TNRC6B: variants seen among roughly 807,000 people sequenced by gnomAD.
The protein encoded by TNRC6B is trinucleotide repeat containing adaptor 6B, also known as trinucleotide repeat-containing gene 6B protein.
Under a neutral mutation model 203.6 loss-of-function variants are expected in TNRC6B, and 52 were observed. The observed-to-expected ratio is 0.26, with a 90% CI of 0.20 to 0.32. TNRC6B has a LOEUF of 0.32. Among genes scored for constraint, TNRC6B ranks in the 10% least tolerant of loss-of-function variants. TNRC6B has a pLI of 1.00. For synonymous variants in TNRC6B, 838 were observed against 845.7 expected (o/e 0.99, Z 0.16); for missense variants, 1,923 against 2,286.2 (o/e 0.84, Z 3.24).
intron 1 of TNRC6B, among the ~76,000 whole-genome samples, chr22:40,239,569 G>T (rs1311998194): frequency 6.6e-6 from 1 of 152,184 alleles, no homozygotes; most frequent in South Asian, 2.1e-4. Flanking sequence ...CATTAAAGAG[G>T]ATGGTTTTTG....
At chr22:40,270,323 T>A in intron 6 of TNRC6B, 43 bp downstream of exon 6, 1 of 1,357,158 alleles carries the variant, frequency 7.4e-7, no homozygotes, top group African/African-American at 1.5e-5. Context: ...CTTTTTTTTT[T>A]TTTTTTTTAA....
At chr22:40,271,861 A>G (rs1439512129) in intron 6 of TNRC6B, among the ~76,000 whole-genome samples, 1 of 152,228 alleles carries the variant, frequency 6.6e-6, no homozygotes, top group Non-Finnish European at 1.5e-5. Context: ...ATCATAGTCT[A>G]CCAGTTGATG....
At chr22:40,163,781 A>C (rs1156457300) in intron 4 of TNRC6B, among the ~76,000 whole-genome samples, 1 of 152,040 alleles carries the variant, frequency 6.6e-6, no homozygotes, top group Non-Finnish European at 1.5e-5. Context: ...AAGAAAGAAA[A>C]GAAAAGGGTA....
chr22:40,165,555 T>C (rs2068911999), intron 4 of TNRC6B, among the ~76,000 whole-genome samples: 2 of 152,182 alleles, frequency 1.3e-5, no homozygotes, highest in Admixed American at 6.5e-5. Context: ...GCATCCTACC[T>C]ATAGGCCAGT....
At chr22:40,281,474 C>T (rs905034702) in intron 11 of TNRC6B, among the ~76,000 whole-genome samples, 185 bp downstream of exon 11, 1 of 150,044 alleles carries the variant, frequency 6.7e-6, no homozygotes, top group African/African-American at 2.4e-5. Flanking sequence ...TTTTTCAACA[C>T]GGATTTTATT....
chr22:40,276,104 T>C (rs761446946), intron 7 of TNRC6B, among the ~76,000 whole-genome samples: 26 of 152,056 alleles, frequency 1.7e-4, no homozygotes, highest in Admixed American at 5.9e-4. Flanking sequence ...TCCCAGCACT[T>C]TGGGAGACCG....
intron 1 of TNRC6B, among the ~76,000 whole-genome samples, chr22:40,098,148 G>A (rs1008609241): frequency 6.6e-6 from 1 of 152,136 alleles, no homozygotes; most frequent in Non-Finnish European, 1.5e-5. Flanking sequence ...CACTTTGGGA[G>A]GCTGAGATGG....
At chr22:40,231,763 G>A (rs774724368) in intron 1 of TNRC6B, among the ~76,000 whole-genome samples, 15 of 152,196 alleles carry the variant, frequency 9.9e-5, no homozygotes, top group Admixed American at 3.3e-4. Context: ...TATTGTTGAT[G>A]AAATTAGAGT....
chr22:40,322,974 G>A lies in TNRC6B; in HGVS notation c.5235G>A (p.Gly1745=), dbSNP rs1307057084. 5.0e-6 allele frequency: 8 copies of A among 1,612,288 alleles called. No homozygotes were observed. In the Admixed American group the frequency reaches 8.4e-5, roughly 17 times the overall value. ...CAACCCCAAGTGCGCCAGCTGCGGGGTGGCAGTCGCTGGAGACCGGCCAGA... is the reference window on the plus strand; with the variant it reads ...CAACCCCAAGTGCGCCAGCTGCGGGATGGCAGTCGCTGGAGACCGGCCAGA... ...PAATPSAPAA[G]WQSLETGQNQ... The change falls in exon 23 of 23, where the codon GGG becomes GGA. Residue 1745 remains glycine, a synonymous_variant. Coordinates refer to ENST00000454349, the MANE Select transcript of TNRC6B (RefSeq NM_001162501.2).
chr22:40,176,483 A>T (rs1424173995), upstream of TNRC6B, among the ~76,000 whole-genome samples: 2 of 152,098 alleles, frequency 1.3e-5, no homozygotes, highest in Admixed American at 1.3e-4. Flanking sequence ...CTTAAAACAT[A>T]GATGAATGCG....
intron 1 of TNRC6B, among the ~76,000 whole-genome samples, chr22:40,188,138 G>A (rs1351763747): frequency 2.0e-5 from 3 of 152,190 alleles, no homozygotes; most frequent in African/African-American, 2.4e-5. Flanking sequence ...GAACCTGGGA[G>A]GCGGAGGTTG....
intron 1 of TNRC6B, among the ~76,000 whole-genome samples, chr22:40,206,579 A>G (rs1254987042): frequency 2.0e-5 from 3 of 152,202 alleles, no homozygotes; most frequent in Non-Finnish European, 2.9e-5. Context: ...CTGAAACTTG[A>G]TAAGATGATT....
intron 3 of TNRC6B, among the ~76,000 whole-genome samples, chr22:40,140,619 G>C (rs1436432643): frequency 6.6e-6 from 1 of 152,104 alleles, no homozygotes; most frequent in African/African-American, 2.4e-5. Context: ...AGTGGTTGTT[G>C]AATAGATGGT....
intron 1 of TNRC6B, among the ~76,000 whole-genome samples, chr22:40,055,459 A>G (rs1314130663): frequency 6.6e-6 from 1 of 152,206 alleles, no homozygotes; most frequent in Non-Finnish European, 1.5e-5. Context: ...CAAGGCTGGC[A>G]TTAGGGTACA....
intron 1 of TNRC6B, among the ~76,000 whole-genome samples, chr22:40,211,222 A>C (rs2069557835): frequency 6.6e-6 from 1 of 152,016 alleles, no homozygotes; most frequent in Non-Finnish European, 1.5e-5. Context: ...CTGGGACTAC[A>C]GGTGTGTGCC....
chr22:40,057,454 C>G (rs953513061), intron 1 of TNRC6B, among the ~76,000 whole-genome samples: 4 of 151,836 alleles, frequency 2.6e-5, no homozygotes, highest in African/African-American at 9.7e-5. Context: ...CCACCACGCC[C>G]GGCTAATTTT....
At chr22:40,087,861 C>T (rs2068113469) in intron 1 of TNRC6B, among the ~76,000 whole-genome samples, 1 of 152,116 alleles carries the variant, frequency 6.6e-6, no homozygotes, top group Non-Finnish European at 1.5e-5. Context: ...TGTTGGCCTC[C>T]ATCTCCGTTA....
At chr22:40,101,033 C>A (rs1189496517) in intron 1 of TNRC6B, among the ~76,000 whole-genome samples, 5 of 151,412 alleles carry the variant, frequency 3.3e-5, no homozygotes, top group Non-Finnish European at 7.4e-5. Flanking sequence ...CACTCTGTTG[C>A]CCAGGCTGGA....
intron 21 of TNRC6B, among the ~76,000 whole-genome samples, chr22:40,319,408 A>G (rs998014508): frequency 6.7e-6 from 1 of 149,806 alleles, no homozygotes; most frequent in East Asian, 2.0e-4. Context: ...GTATGTTGTT[A>G]TAACTTTTCT....
Sources: allele counts gnomAD v4.1 joint callset (sites outside exome capture counted in the v4.1 genomes callset), GRCh38; gene constraint gnomAD v4.1.1; transcripts MANE v1.5; gene names NCBI Gene and HGNC (gene_info 2026-07-23, HGNC 2026-07-21).